IMPA1: variants seen among roughly 807,000 people sequenced by gnomAD.
IMPA1 encodes D-galactose 1-phosphate phosphatase.
Under a neutral mutation model 34.9 loss-of-function variants are expected in IMPA1, and 21 were observed. The observed-to-expected ratio is 0.60, with a 90% confidence interval of 0.43 to 0.87. The LOEUF (loss-of-function observed/expected upper bound fraction) is 0.87, where lower values mean the gene tolerates loss of function less well. IMPA1 is among the 40% of genes least tolerant of loss of function. The pLI, the probability that IMPA1 is intolerant of heterozygous loss-of-function variation, is 0.00. For missense variants in IMPA1, 299 were observed against 336.4 expected (o/e 0.89, Z 0.87); for synonymous variants, 95 against 104.4 (o/e 0.91, Z 0.55).
chr8:81,662,324 G>A (rs997411261), intron 7 of IMPA1, among the ~76,000 whole-genome samples: 1 of 152,074 alleles, frequency 6.6e-6, no homozygotes, highest in Non-Finnish European at 1.5e-5. Flanking sequence ...TAATTCCCTG[G>A]TACTCTATTC....
chr8:81,682,016 T>C (rs1224361686), intron 1 of IMPA1, among the ~76,000 whole-genome samples: 1 of 152,132 alleles, frequency 6.6e-6, no homozygotes, highest in Non-Finnish European at 1.5e-5. Context: ...TGTGTAAAGA[T>C]GAAGAACTTA....
rs61755740 is a variant in IMPA1, at chr8:81,680,732, G to C, written c.115C>G (p.Pro39Ala). 2.5e-6 allele frequency: 4 copies of C among 1,610,866 alleles called. No individual in the cohort carries two copies. The highest frequency in any genetic ancestry group is 2.7e-5 in the African/African-American group (2 of 74,828). ...NEMNVMLKSS[P>A]VDLVTATDQK... is the part of the protein sequence containing the mutation. ...TCCGTAGCAGTTACCAAATCAACTG[G>C]AGAACTTTTCAGCATAACATTCATT... The change falls in exon 3 of 9, where the codon CCA (proline) becomes GCA (alanine). Residue 39 changes from proline to alanine, a missense_variant. Pro to Ala is a conservative substitution (Grantham distance 27). Coordinates refer to ENST00000256108, the MANE Select transcript of IMPA1 (RefSeq NM_005536.4).
Position 81,672,418 on chromosome 8 carries a change from G to A in IMPA1, c.458-1371C>T, listed in dbSNP as rs139045310. Among the ~76,000 whole-genome samples, 263 of 152,262 alleles carry A rather than the reference G, an allele frequency of 1.7e-3. 4 individuals are homozygous for A. The highest frequency in any genetic ancestry group is 6.1e-3 in the African/African-American group (253 of 41,554). Reference sequence around the variant, plus strand: ...AGTTAAATAATTGCCACTTGAAGCCGCTTGCTACAGGGGGCTCTAGACTCA... The same window carrying A: ...AGTTAAATAATTGCCACTTGAAGCCACTTGCTACAGGGGGCTCTAGACTCA... On this transcript the variant is annotated intron_variant, in intron 6 of 8. Transcript: ENST00000256108.
At chr8:81,669,547 T>A (rs1563584052) in intron 7 of IMPA1, among the ~76,000 whole-genome samples, 1 of 152,248 alleles carries the variant, frequency 6.6e-6, no homozygotes, top group Non-Finnish European at 1.5e-5. Flanking sequence ...TTTTGCCTAA[T>A]TTTCCGTTTT....
At chr8:81,686,108 AG>A in intron 1 of IMPA1, 143 bp downstream of exon 1, 1 of 835,288 alleles carries the variant, frequency 1.2e-6, no homozygotes. Flanking sequence ...CGCAGCAGGC[AG>A]GGGTCACCCA....
At chr8:81,675,786 C>G (rs1030025237) in intron 5 of IMPA1, among the ~76,000 whole-genome samples, 6 of 152,192 alleles carry the variant, frequency 3.9e-5, no homozygotes, top group African/African-American at 1.4e-4. Context: ...ACAACCTGAA[C>G]TATGTGTAGG....
chr8:81,662,236 T>C (rs1806701263), intron 7 of IMPA1, among the ~76,000 whole-genome samples: 1 of 152,160 alleles, frequency 6.6e-6, no homozygotes, highest in Non-Finnish European at 1.5e-5. Flanking sequence ...GAAAAGTGCA[T>C]TTCCCCACTT....
intron 8 of IMPA1, 40 bp from the exon 9 acceptor site, chr8:81,659,506 C>A: frequency 9.2e-7 from 1 of 1,086,984 alleles, no homozygotes; most frequent in South Asian, 1.3e-5. Context: ...TTATCTGGTA[C>A]AAAAATAATT....
intron 7 of IMPA1, among the ~76,000 whole-genome samples, chr8:81,662,258 T>C (rs1007796768): frequency 6.6e-6 from 1 of 152,206 alleles, no homozygotes; most frequent in Non-Finnish European, 1.5e-5. Context: ...TCCCATGAGA[T>C]ATGTGATATT....
chr8:81,682,608 A>G (rs1183335516), intron 1 of IMPA1, among the ~76,000 whole-genome samples: 1 of 152,106 alleles, frequency 6.6e-6, no homozygotes, highest in Admixed American at 6.6e-5. Flanking sequence ...AACTCCTTCA[A>G]GCTCTTCAAG....
chr8:81,685,382 A>G (rs926768894), intron 1 of IMPA1, among the ~76,000 whole-genome samples: 7 of 139,006 alleles, frequency 5.0e-5, no homozygotes, highest in African/African-American at 7.8e-5. Context: ...TGTACTATAT[A>G]TAAGTATATA....
chr8:81,663,440 A>G (rs1242263061), intron 7 of IMPA1, among the ~76,000 whole-genome samples: 2 of 152,238 alleles, frequency 1.3e-5, no homozygotes, highest in African/African-American at 4.8e-5. Context: ...AGAGAAGTCC[A>G]ATATTGAAGA....
At chr8:81,666,139 GAA>G (rs1264318655) in intron 7 of IMPA1, among the ~76,000 whole-genome samples, 1 of 152,194 alleles carries the variant, frequency 6.6e-6, no homozygotes, top group Non-Finnish European at 1.5e-5. Flanking sequence ...TAAAGAGAGA[GAA>G]AAGGGGAATG....
intron 1 of IMPA1, among the ~76,000 whole-genome samples, chr8:81,684,138 TACACAC>T (rs955987022): frequency 1.8e-5 from 2 of 113,994 alleles, no homozygotes; most frequent in East Asian, 2.3e-4. Context: ...CATACACACA[TACACAC>T]ACACACACAC....
At chr8:81,666,582 A>C (rs1477538926) in intron 7 of IMPA1, among the ~76,000 whole-genome samples, 1 of 152,196 alleles carries the variant, frequency 6.6e-6, no homozygotes, top group Non-Finnish European at 1.5e-5. Context: ...AGGAAAAATA[A>C]GAAAGCAGGG....
Position 81,660,610 on chromosome 8 carries a change from T to C in IMPA1, c.624A>G (p.Ala208=). The C allele has an allele frequency of 6.2e-7, 1 of 1,613,490 alleles. No homozygotes were observed. Among genetic ancestry groups the C allele is most frequent in the Admixed American group, 1.7e-5 (1 of 60,010 alleles). Reference sequence around the variant, plus strand: ...GAATTCCCATTTCATAATATGCATCTGCTCCGCCAGTTGCCACAAGGCACA... The same window carrying C: ...GAATTCCCATTTCATAATATGCATCCGCTCCGCCAGTTGCCACAAGGCACA... ...VNMCLVATGG[A]DAYYEMGIHC... Residue 208 remains alanine (A), a synonymous_variant, in exon 8 of 9, where the codon GCA becomes GCG. Transcript: ENST00000256108.
chr8:81,684,148 CACACACAT>C (rs1384184047), intron 1 of IMPA1, among the ~76,000 whole-genome samples: 11 of 126,932 alleles, frequency 8.7e-5, no homozygotes, highest in Admixed American at 4.6e-4. Context: ...TACACACACA[CACACACAT>C]ACACACACAT....
intron 5 of IMPA1, among the ~76,000 whole-genome samples, chr8:81,675,385 T>C (rs1369339566): frequency 1.3e-5 from 2 of 152,060 alleles, no homozygotes; most frequent in African/African-American, 2.4e-5. Flanking sequence ...GTTCCCATAG[T>C]ATTTTTTTTC....
At chr8:81,672,085 A>C (rs1218194720) in intron 6 of IMPA1, among the ~76,000 whole-genome samples, 4 of 152,208 alleles carry the variant, frequency 2.6e-5, no homozygotes, top group Non-Finnish European at 4.4e-5. Flanking sequence ...GATTTTAATG[A>C]AAAGGAAATA....
Sources: gnomAD v4.1 joint callset for allele counts (sites outside exome capture counted in the v4.1 genomes callset) on GRCh38, gnomAD v4.1.1 for gene constraint, MANE v1.5 for transcripts, NCBI Gene and HGNC (gene_info 2026-07-23, HGNC 2026-07-21) for gene names.